The following ANXA10 variants were observed in gnomAD, a reference collection of about 807,000 sequenced individuals.
The protein encoded by ANXA10 is annexin 14.
A neutral mutation model predicts 53.5 loss-of-function variants in ANXA10; 49 were observed. The ratio of observed to expected loss-of-function variants is 0.92; its 90% CI spans 0.73 to 1.16. The LOEUF (loss-of-function observed/expected upper bound fraction) is 1.16. ANXA10 is among the 50% of genes most tolerant of loss of function. The probability of loss-of-function intolerance (pLI) is 0.00; values close to 1 mark genes in which losing one functional copy is unlikely to be tolerated. For missense variants in ANXA10, 393 were observed against 394.4 expected, an observed-to-expected ratio of 1.00 and a Z score of 0.03; for synonymous variants, 131 against 128.9, an observed-to-expected ratio of 1.02 and a Z score of -0.11.
chr4:168,095,416 G>A lies in ANXA10; in HGVS notation c.18+2698G>A, dbSNP rs528044575. On this transcript the variant is annotated intron_variant, in intron 1 of 11. Transcript: ENST00000359299. ...CCTACTTCTATAATATTTATTGACT[G>A]ACAGAAAATGTTAATCATAGCAGTA... 2.6e-5 allele frequency among the ~76,000 whole-genome samples: 4 copies of A among 151,886 alleles called. No individual in the cohort carries two copies. The South Asian group carries it at 8.3e-4, about 32-fold the overall frequency.
At chr4:168,139,608 C>G in intron 3 of ANXA10, 28 bp downstream of exon 3, 1 of 1,556,180 alleles carries the variant, frequency 6.4e-7, no homozygotes. Flanking sequence ...TGACCTATTT[C>G]TAGGGCAATC....
intron 3 of ANXA10, among the ~76,000 whole-genome samples, chr4:168,148,864 T>A (rs1020882105): frequency 6.6e-6 from 1 of 152,188 alleles, no homozygotes; most frequent in Non-Finnish European, 1.5e-5. Context: ...AATATTTTTA[T>A]TATTTCCTCA....
At chr4:168,153,430 AAAAAAAAAAAACAAAAACAAAAACAAAAC>A (rs1325630284) in intron 3 of ANXA10, among the ~76,000 whole-genome samples, 10 of 61,118 alleles carry the variant, frequency 1.6e-4, no homozygotes, top group Non-Finnish European at 3.2e-4. Flanking sequence ...AGCAAAAAAA[AAAAAAAAAAAACAAAAACAAAAACAAAAC>A]AAAAAAAAAA....
chr4:168,094,018 T>A (rs991434395), intron 1 of ANXA10, among the ~76,000 whole-genome samples: 2 of 152,170 alleles, frequency 1.3e-5, no homozygotes, highest in Non-Finnish European at 1.5e-5. Flanking sequence ...TGGTAAATGA[T>A]TAAATTTGCA....
chr4:168,130,885 T>C lies in ANXA10; in HGVS notation c.100+2720T>C, dbSNP rs137968908. Among the ~76,000 whole-genome samples, 4 of 152,012 alleles carry C rather than the reference T, an allele frequency of 2.6e-5. No homozygotes were observed. The East Asian group carries it at 7.7e-4, about 29-fold the overall frequency. On this transcript the variant is annotated intron_variant, in intron 2 of 11. Transcript: ENST00000359299. ...CTCTCTCCCTCTCTTGCTTTCTCTC[T>C]CTTTCCTTAACCTAGCTAAAGCCCT...
chr4:168,165,260 C>A lies in ANXA10; in HGVS notation c.414C>A (p.Asn138Lys), dbSNP rs764177472. 1.3e-6 allele frequency: 2 copies of A among 1,585,558 alleles called. No homozygotes were observed. Among genetic ancestry groups the A allele is most frequent in the South Asian group, 1.1e-5 (1 of 87,778 alleles). The change falls in exon 6 of 12, where the codon AAC becomes AAA. Residue 138 changes from asparagine (N) to lysine (K), a missense_variant. Physicochemically the swap from Asn to Lys is moderately conservative, Grantham distance 94. Coordinates refer to ENST00000359299, the MANE Select transcript of ANXA10 (RefSeq NM_007193.5). ...TTTCTTATACAGAATACAGCAATAA[C>A]CTCCAAGAGGACATTTATTCAGAGA... ...REAYCLQYSN[N>K]LQEDIYSETS... is the part of the protein sequence containing the mutation.
chr4:168,169,899 T>C (rs1295784521), intron 6 of ANXA10, among the ~76,000 whole-genome samples: 1 of 152,152 alleles, frequency 6.6e-6, no homozygotes, highest in Admixed American at 6.6e-5. Flanking sequence ...AGGATCACAG[T>C]GTATTTTTAT....
intron 6 of ANXA10, among the ~76,000 whole-genome samples, chr4:168,170,802 A>C (rs1731969943): frequency 6.6e-6 from 1 of 152,140 alleles, no homozygotes; most frequent in South Asian, 2.1e-4. Flanking sequence ...TATAAAATAC[A>C]CAAAAATACA....
Position 168,129,712 on chromosome 4 carries a change from C to T in ANXA10, c.100+1547C>T, listed in dbSNP as rs536097957. 3.9e-5 allele frequency among the ~76,000 whole-genome samples: 6 copies of T among 152,150 alleles called. No homozygotes were observed. In the East Asian group the frequency reaches 7.7e-4, roughly 20 times the overall value. ...ATTTAGAAAAATCTGAAAGCAAAAACGTATTCTGAAACAAATGAAAGTGAG... is the reference window on the plus strand; with the variant it reads ...ATTTAGAAAAATCTGAAAGCAAAAATGTATTCTGAAACAAATGAAAGTGAG... On this transcript the variant is annotated intron_variant, in intron 2 of 11. Transcript: ENST00000359299.
chr4:168,096,926 A>ATATG (rs1553995921), intron 1 of ANXA10, among the ~76,000 whole-genome samples: 64 of 129,670 alleles, frequency 4.9e-4, no homozygotes, highest in Non-Finnish European at 5.8e-4. Flanking sequence ...ATATATATAT[A>ATATG]TATGTATGTA....
At chr4:168,096,302 G>A (rs998709019) in intron 1 of ANXA10, among the ~76,000 whole-genome samples, 1 of 152,058 alleles carries the variant, frequency 6.6e-6, no homozygotes, top group Non-Finnish European at 1.5e-5. Context: ...ATTATTAAAA[G>A]GTTATTCATA....
At chr4:168,182,978 C>T (rs547272353) in intron 10 of ANXA10, among the ~76,000 whole-genome samples, 2 of 114,540 alleles carry the variant, frequency 1.7e-5, no homozygotes, top group Admixed American at 9.2e-5. Flanking sequence ...CACTGCACTC[C>T]GGCCTGGCGA....
intron 1 of ANXA10, among the ~76,000 whole-genome samples, chr4:168,105,333 A>T (rs1730703652): frequency 6.6e-6 from 1 of 151,814 alleles, no homozygotes; most frequent in African/African-American, 2.4e-5. Flanking sequence ...TGTTCTCATT[A>T]TTTAGCTCCC....
intron 3 of ANXA10, among the ~76,000 whole-genome samples, chr4:168,153,454 C>CAA (rs1560782337): frequency 3.0e-5 from 1 of 33,772 alleles, no homozygotes; most frequent in African/African-American, 1.0e-4. Context: ...AAAACAAAAA[C>CAA]AAAACAAAAA....
rs1302191725 is a variant in ANXA10, at chr4:168,164,128, T to C, written c.310-70T>C. On this transcript the variant is annotated intron_variant, in intron 4 of 11. Transcript: ENST00000359299. ...ACACTGGAAATGCTGTATCCCTTTC[T>C]TGTACAAAAGGTACACTATTACTTC... The C allele has an allele frequency of 3.3e-6, 4 of 1,196,892 alleles. No individual in the cohort carries two copies. The East Asian group carries it at 7.1e-5, about 21-fold the overall frequency. 74.1% of individuals were successfully genotyped at this position (1,196,892 alleles called of 1,614,324 possible).
At chr4:168,139,106 T>C (rs1731285637) in intron 2 of ANXA10, among the ~76,000 whole-genome samples, 1 of 152,200 alleles carries the variant, frequency 6.6e-6, no homozygotes. Flanking sequence ...TCTTGCCTGA[T>C]TGCTCCAGCT....
At chr4:168,153,048 T>C (rs1731524794) in intron 3 of ANXA10, among the ~76,000 whole-genome samples, 1 of 151,984 alleles carries the variant, frequency 6.6e-6, no homozygotes, top group African/African-American at 2.4e-5. Context: ...TTCGCCATCC[T>C]GCCCAGTCTA....
At chr4:168,117,321 A>AACAACTG (rs1230707657) in intron 1 of ANXA10, among the ~76,000 whole-genome samples, 2 of 152,234 alleles carry the variant, frequency 1.3e-5, no homozygotes, top group East Asian at 1.9e-4. Flanking sequence ...GTGATATTTG[A>AACAACTG]ACAACTGGAA....
intron 2 of ANXA10, among the ~76,000 whole-genome samples, chr4:168,131,576 T>C (rs1368061646): frequency 1.3e-5 from 2 of 152,016 alleles, no homozygotes; most frequent in Non-Finnish European, 2.9e-5. Flanking sequence ...ATTGACAAAT[T>C]ACTCTAGAGG....
Sources: gnomAD v4.1 joint callset for allele counts (sites outside exome capture counted in the v4.1 genomes callset) on GRCh38, gnomAD v4.1.1 for gene constraint, MANE v1.5 for transcripts, NCBI Gene and HGNC (gene_info 2026-07-23, HGNC 2026-07-21) for gene names.